The following OR2L13 variants were observed in gnomAD, a reference collection of about 807,000 sequenced individuals.
OR2L13 encodes the protein olfactory receptor family 2 subfamily L member 13.
OR2L13 carries 14 observed loss-of-function variants against 15.3 expected under a neutral mutation model. The observed-to-expected ratio is 0.91, with a 90% confidence interval of 0.60 to 1.43. OR2L13 has a LOEUF of 1.43. OR2L13 is among the 40% of genes most tolerant of loss of function. The pLI is 0.00. For synonymous variants in OR2L13, 152 were observed against 142.9 expected (o/e 1.06, Z -0.45); for missense variants, 367 against 387.9 (o/e 0.95, Z 0.45).
At chr1:247,961,450 A>G in the OR2L13 span, among the ~76,000 whole-genome samples, 1 of 152,206 alleles carries the variant, frequency 6.6e-6, no homozygotes, top group Non-Finnish European at 1.5e-5. Context: ...ATGATAAGTA[A>G]TCTACAAGCC....
the OR2L13 span, among the ~76,000 whole-genome samples, chr1:248,012,486 C>G: frequency 6.6e-6 from 1 of 152,128 alleles, no homozygotes; most frequent in East Asian, 1.9e-4. Context: ...GCACCTCTAC[C>G]TGCATCTAAT....
chr1:248,046,949 A>T, the OR2L13 span: 1 of 152,190 alleles, frequency 6.6e-6, no homozygotes, highest in African/African-American at 2.4e-5. Flanking sequence ...GCAAGTGCTT[A>T]AGAGACCTTT....
the OR2L13 span, among the ~76,000 whole-genome samples, chr1:248,052,578 A>C: frequency 6.6e-6 from 1 of 152,078 alleles, no homozygotes; most frequent in Non-Finnish European, 1.5e-5. Flanking sequence ...AATACAAAAA[A>C]AAATTAGCTG....
the OR2L13 span, chr1:247,990,549 TG>T: frequency 6.4e-7 from 1 of 1,565,092 alleles, no homozygotes; most frequent in Non-Finnish European, 8.8e-7. Flanking sequence ...TCTCCTTCAC[TG>T]GGTGTGGGAT....
At chr1:247,974,580 A>T in the OR2L13 span, among the ~76,000 whole-genome samples, 1 of 152,280 alleles carries the variant, frequency 6.6e-6, no homozygotes, top group South Asian at 2.1e-4. Flanking sequence ...TCATAAGTAT[A>T]TATGGATCCA....
At chr1:248,077,750 G>T in the OR2L13 span, among the ~76,000 whole-genome samples, 2 of 152,130 alleles carry the variant, frequency 1.3e-5, no homozygotes, top group Admixed American at 1.3e-4. Flanking sequence ...GAAAATATTT[G>T]CCAATCACAG....
chr1:248,062,649 T>C, the OR2L13 span: 1 of 152,168 alleles, frequency 6.6e-6, no homozygotes, highest in Non-Finnish European at 1.5e-5. Flanking sequence ...ATAAGAGTAT[T>C]TGATAGCACA....
At chr1:247,975,249 G>A in the OR2L13 span, 1 of 424,422 alleles carries the variant, frequency 2.4e-6, no homozygotes, top group Admixed American at 3.1e-5. Flanking sequence ...TGCTCAGCCA[G>A]GGCTGTGATG....
chr1:248,022,848 A>G, the OR2L13 span: 11 of 1,611,950 alleles, frequency 6.8e-6, no homozygotes, highest in East Asian at 2.2e-5. Flanking sequence ...GGGGGCCCTG[A>G]CACGAGTGAT....
At chr1:248,014,720 A>G in the OR2L13 span, among the ~76,000 whole-genome samples, 1 of 152,136 alleles carries the variant, frequency 6.6e-6, no homozygotes, top group Non-Finnish European at 1.5e-5. Flanking sequence ...ATTCTCTTCA[A>G]TGATACACCC....
the OR2L13 span, chr1:248,030,215 G>C: frequency 2.0e-5 from 3 of 152,160 alleles, no homozygotes; most frequent in South Asian, 6.2e-4. Flanking sequence ...CTGAGTGTTT[G>C]GAAATGAGGA....
At chr1:248,004,915 A>C in the OR2L13 span, among the ~76,000 whole-genome samples, 1 of 152,192 alleles carries the variant, frequency 6.6e-6, no homozygotes, top group African/African-American at 2.4e-5. Context: ...TGCACCAGGC[A>C]CAGAAAGATT....
chr1:248,087,387 C>T, the OR2L13 span: 1 of 152,232 alleles, frequency 6.6e-6, no homozygotes, highest in Non-Finnish European at 1.5e-5. Context: ...GGTTACTTTG[C>T]AATTCAAAAT....
chr1:248,031,254 T>C, the OR2L13 span, among the ~76,000 whole-genome samples: 1 of 152,160 alleles, frequency 6.6e-6, no homozygotes, highest in Non-Finnish European at 1.5e-5. Context: ...TTTCTAACAA[T>C]AATATTATAT....
the OR2L13 span, among the ~76,000 whole-genome samples, chr1:247,983,582 G>C: frequency 0.14 from 21,613 of 151,938 alleles, 2,586 homozygotes; most frequent in African/African-American, 0.33. Context: ...AGAAAAAAAT[G>C]TCCTTAAATT....
chr1:248,008,315 A>G, the OR2L13 span, among the ~76,000 whole-genome samples: 2 of 152,258 alleles, frequency 1.3e-5, no homozygotes, highest in South Asian at 4.1e-4. Context: ...TTTTTCTATA[A>G]TTTATCATTC....
the OR2L13 span, among the ~76,000 whole-genome samples, chr1:247,981,817 AT>A: frequency 0.012 from 1,766 of 143,098 alleles, 10 homozygotes; most frequent in African/African-American, 0.025. Context: ...CATAATAACA[AT>A]TTTTTTTTTT....
At chr1:248,035,862 A>G in the OR2L13 span, among the ~76,000 whole-genome samples, 1 of 152,138 alleles carries the variant, frequency 6.6e-6, no homozygotes, top group East Asian at 1.9e-4. Context: ...TAAGGGGTTG[A>G]CAGCATCATC....
chr1:248,072,953 A>T, the OR2L13 span, among the ~76,000 whole-genome samples: 1 of 151,784 alleles, frequency 6.6e-6, no homozygotes, highest in Non-Finnish European at 1.5e-5. Context: ...TTAGAATGGC[A>T]ATCATTAAAA....
Sources: gnomAD v4.1 joint callset for allele counts (sites outside exome capture counted in the v4.1 genomes callset) on GRCh38, gnomAD v4.1.1 for gene constraint, MANE v1.5 for transcripts, NCBI Gene and HGNC (gene_info 2026-07-23, HGNC 2026-07-21) for gene names.